Variants in TMEM117 observed in about 807,000 individuals in gnomAD.
The protein encoded by TMEM117 is transmembrane protein 117.
A neutral mutation model predicts 52.4 loss-of-function variants in TMEM117; 27 were observed. That is an observed-to-expected ratio of 0.51 (90% CI 0.38 to 0.71). The LOEUF (loss-of-function observed/expected upper bound fraction) is 0.71, where lower values mean the gene tolerates loss of function less well. TMEM117 is among the 30% of genes least tolerant of loss of function. The probability of loss-of-function intolerance (pLI) is 0.00; values close to 1 mark genes in which losing one functional copy is unlikely to be tolerated. For missense variants in TMEM117, 556 were observed against 630.5 expected, an observed-to-expected ratio of 0.88 and a Z score of 1.26; for synonymous variants, 215 against 206.3, an observed-to-expected ratio of 1.04 and a Z score of -0.36.
At chr12:44,287,214 T>G (rs1199769520) in intron 5 of TMEM117, among the ~76,000 whole-genome samples, 5 of 152,176 alleles carry the variant, frequency 3.3e-5, no homozygotes, top group Non-Finnish European at 5.9e-5. Flanking sequence ...ACTGGAAATA[T>G]GGAATCATTA....
chr12:43,856,204 A>C (rs1358888212), intron 2 of TMEM117, among the ~76,000 whole-genome samples: 1 of 152,204 alleles, frequency 6.6e-6, no homozygotes, highest in Non-Finnish European at 1.5e-5. Flanking sequence ...GCCAAATGCC[A>C]TGTAGAATAT....
In TMEM117 at chr12:44,171,548, C is replaced by T. The variant is rs1329702299; in HGVS notation, c.510+27924C>T. On this transcript the variant is annotated intron_variant, in intron 4 of 7. Coordinates refer to ENST00000266534, the MANE Select transcript of TMEM117 (RefSeq NM_032256.3). The stretch of plus-strand genomic sequence containing the variant: ...CTTTTCCCCCATTTTTTTCTTAGAA[C>T]ATATTTTTGAAGCCTCTGAATACAT... 2.0e-5 allele frequency among the ~76,000 whole-genome samples: 3 copies of T among 151,960 alleles called. No individual in the cohort carries two copies. In the East Asian group the frequency reaches 5.8e-4, roughly 29 times the overall value.
At chr12:43,939,505 T>G (rs1412389456) in intron 2 of TMEM117, among the ~76,000 whole-genome samples, 1 of 152,186 alleles carries the variant, frequency 6.6e-6, no homozygotes, top group Non-Finnish European at 1.5e-5. Context: ...ACCTTTTCTA[T>G]CACTAAGGTT....
At chr12:43,962,853 A>C (rs1197518437) in intron 3 of TMEM117, among the ~76,000 whole-genome samples, 2 of 151,984 alleles carry the variant, frequency 1.3e-5, no homozygotes, top group Non-Finnish European at 1.5e-5. Context: ...GTGTGAACCC[A>C]GGAGGCAGAG....
At chr12:43,931,240 C>T (rs1944866566) in intron 2 of TMEM117, among the ~76,000 whole-genome samples, 1 of 152,198 alleles carries the variant, frequency 6.6e-6, no homozygotes. Context: ...AACCTGAGGG[C>T]TTCTGCTGCC....
chr12:43,982,892 A>G (rs1486259878), intron 3 of TMEM117, among the ~76,000 whole-genome samples: 1 of 152,124 alleles, frequency 6.6e-6, no homozygotes, highest in Non-Finnish European at 1.5e-5. Flanking sequence ...ATGCTACCTC[A>G]TTTTCCCTGG....
intron 3 of TMEM117, among the ~76,000 whole-genome samples, chr12:44,064,231 G>GA (rs1592486100): frequency 6.6e-6 from 1 of 152,162 alleles, no homozygotes; most frequent in African/African-American, 2.4e-5. Context: ...AGAACGGTGT[G>GA]AATCAGTTGA....
At chr12:43,997,350 T>G (rs1186166978) in intron 3 of TMEM117, among the ~76,000 whole-genome samples, 2 of 152,202 alleles carry the variant, frequency 1.3e-5, no homozygotes, top group Non-Finnish European at 2.9e-5. Context: ...TCCATTTTTC[T>G]TCTTATTTTT....
chr12:43,872,983 T>G (rs1245025929), intron 2 of TMEM117, among the ~76,000 whole-genome samples: 1 of 152,096 alleles, frequency 6.6e-6, no homozygotes, highest in Non-Finnish European at 1.5e-5. Flanking sequence ...GACTCTAAAA[T>G]GTAGGGGCAA....
At chr12:44,189,776 C>T (rs1949327151) in intron 4 of TMEM117, among the ~76,000 whole-genome samples, 1 of 152,180 alleles carries the variant, frequency 6.6e-6, no homozygotes, top group African/African-American at 2.4e-5. Context: ...TTCTGCATCA[C>T]TCCAAGGAGA....
At chr12:44,361,991 G>A (rs1951727473) in intron 6 of TMEM117, among the ~76,000 whole-genome samples, 1 of 152,174 alleles carries the variant, frequency 6.6e-6, no homozygotes, top group African/African-American at 2.4e-5. Context: ...CTGGCATGAA[G>A]TAGGTAATTG....
intron 6 of TMEM117, among the ~76,000 whole-genome samples, chr12:44,323,708 C>A (rs1951162009): frequency 6.6e-6 from 1 of 152,124 alleles, no homozygotes; most frequent in Admixed American, 6.6e-5. Context: ...CTACTTTGAA[C>A]TATTAATGTA....
intron 5 of TMEM117, among the ~76,000 whole-genome samples, chr12:44,223,606 C>A (rs1265469171): frequency 6.6e-6 from 1 of 152,084 alleles, no homozygotes; most frequent in Non-Finnish European, 1.5e-5. Context: ...TGCTTTTCTC[C>A]AAATTGGCAC....
chr12:44,182,611 C>G (rs1949219077), intron 4 of TMEM117, among the ~76,000 whole-genome samples: 1 of 152,200 alleles, frequency 6.6e-6, no homozygotes, highest in Admixed American at 6.5e-5. Context: ...GAAAGAACTA[C>G]CTGACATCTT....
rs372678710 is a variant in TMEM117, at chr12:44,004,008, CT to C, written c.410+59667del. On this transcript the variant is annotated intron_variant, in intron 3 of 7. Coordinates refer to ENST00000266534, the MANE Select transcript of TMEM117 (RefSeq NM_032256.3). ...CTCAGGGATGAGAATATGCTTTTTT[CT>C]GGAGCCCTTGTACTCAAATAATGGT... 2.4e-4 allele frequency among the ~76,000 whole-genome samples: 37 copies of C among 152,298 alleles called. 1 individual carries two copies. In the East Asian group the frequency reaches 7.1e-3, roughly 29 times the overall value.
intron 6 of TMEM117, among the ~76,000 whole-genome samples, chr12:44,306,466 T>A (rs982135282): frequency 9.9e-5 from 15 of 152,132 alleles, no homozygotes; most frequent in Non-Finnish European, 1.9e-4. Flanking sequence ...AGAAGCTGAA[T>A]AGAGGAGAGA....
chr12:43,813,243 T>TTG, the TMEM117 span, among the ~76,000 whole-genome samples: 1 of 132,574 alleles, frequency 7.5e-6, no homozygotes, highest in African/African-American at 3.0e-5. Flanking sequence ...TTTTTTTTTT[T>TTG]TTTTTTTTTT....
Position 44,012,317 on chromosome 12 carries a change from G to A in TMEM117, c.410+67975G>A, listed in dbSNP as rs138549204. On this transcript the variant is annotated intron_variant, in intron 3 of 7. Transcript: ENST00000266534. ...TTCTGCCTGGTGTTCTGTGAGCATCGTGGAGCTGTGGTTTGTTGTCTAACA... is the reference window on the plus strand; with the variant it reads ...TTCTGCCTGGTGTTCTGTGAGCATCATGGAGCTGTGGTTTGTTGTCTAACA... Among the ~76,000 whole-genome samples the A allele has an allele frequency of 7.3e-3, 1,103 of 151,444 alleles. 11 individuals are homozygous for A. Among genetic ancestry groups the A allele is most frequent in the African/African-American group, 0.024 (1,007 of 41,400 alleles).
intron 6 of TMEM117, among the ~76,000 whole-genome samples, chr12:44,368,581 C>T (rs1386254598): frequency 6.6e-6 from 1 of 152,136 alleles, no homozygotes; most frequent in East Asian, 1.9e-4. Context: ...ATAATACCTA[C>T]TTTTGACAGT....
Sources: allele counts gnomAD v4.1 joint callset (sites outside exome capture counted in the v4.1 genomes callset), GRCh38; gene constraint gnomAD v4.1.1; transcripts MANE v1.5; gene names NCBI Gene and HGNC (gene_info 2026-07-23, HGNC 2026-07-21).